The following SLC25A26 variants were observed in gnomAD, a reference collection of about 807,000 sequenced individuals.
SLC25A26 encodes solute carrier family 25 member 26.
A neutral mutation model predicts 37.8 loss-of-function variants in SLC25A26; 36 were observed. The observed-to-expected ratio is 0.95, with a 90% CI of 0.73 to 1.26. SLC25A26 has a LOEUF of 1.26. SLC25A26 is among the 50% of genes most tolerant of loss of function. The probability of loss-of-function intolerance (pLI) is 0.00; values close to 1 mark genes in which losing one functional copy is unlikely to be tolerated. For synonymous variants in SLC25A26, 129 were observed against 122.5 expected (o/e 1.05, Z -0.35); for missense variants, 390 against 331.1 (o/e 1.18, Z -1.38).
chr3:66,310,843 G>C (rs547418005), intron 5 of SLC25A26, among the ~76,000 whole-genome samples: 91 of 152,284 alleles, frequency 6.0e-4, no homozygotes, highest in African/African-American at 1.8e-3. Flanking sequence ...GGCTTGTAGC[G>C]TTTCTACAGA....
chr3:66,187,086 A>C (rs994098341), intron 1 of SLC25A26, among the ~76,000 whole-genome samples: 14 of 151,194 alleles, frequency 9.3e-5, no homozygotes, highest in African/African-American at 3.4e-4. Context: ...GCCTTGGCCA[A>C]CTCCAATCTT....
intron 1 of SLC25A26, among the ~76,000 whole-genome samples, chr3:66,150,962 G>A (rs1238817592): frequency 1.3e-5 from 2 of 151,674 alleles, no homozygotes; most frequent in East Asian, 3.9e-4. Flanking sequence ...GGACACATGG[G>A]GCAGGTGCCT....
chr3:66,283,833 T>A (rs1439484379), intron 5 of SLC25A26, among the ~76,000 whole-genome samples: 1 of 152,226 alleles, frequency 6.6e-6, no homozygotes, highest in African/African-American at 2.4e-5. Context: ...AGACTCTAAG[T>A]TTAGAATATT....
chr3:66,336,941 G>A (rs2076104044), intron 5 of SLC25A26, among the ~76,000 whole-genome samples: 1 of 152,056 alleles, frequency 6.6e-6, no homozygotes, highest in South Asian at 2.1e-4. Context: ...TTTAGGTGAG[G>A]TACAACTTGT....
chr3:66,291,794 G>A (rs1368869038), intron 5 of SLC25A26, among the ~76,000 whole-genome samples: 1 of 152,194 alleles, frequency 6.6e-6, no homozygotes, highest in Non-Finnish European at 1.5e-5. Flanking sequence ...GGGGTGGAGA[G>A]TTCTGTAGAT....
chr3:66,217,793 G>A (rs1036536199), upstream of SLC25A26, among the ~76,000 whole-genome samples: 18 of 152,172 alleles, frequency 1.2e-4, no homozygotes, highest in African/African-American at 2.9e-4. Flanking sequence ...CAGGTGATCC[G>A]TCCACCTTGG....
At chr3:66,250,515 A>T (rs1443841749) in intron 3 of SLC25A26, among the ~76,000 whole-genome samples, 1 of 152,240 alleles carries the variant, frequency 6.6e-6, no homozygotes, top group Non-Finnish European at 1.5e-5. Context: ...ATAGGTGATA[A>T]GATGCTCTCT....
chr3:66,180,813 T>A (rs150978073), intron 1 of SLC25A26, among the ~76,000 whole-genome samples: 1 of 152,312 alleles, frequency 6.6e-6, no homozygotes, highest in Non-Finnish European at 1.5e-5. Flanking sequence ...CCCCTCAGAT[T>A]CATGTGTTGA....
intron 5 of SLC25A26, among the ~76,000 whole-genome samples, chr3:66,277,353 A>G (rs1305101752): frequency 6.6e-6 from 1 of 152,150 alleles, no homozygotes; most frequent in African/African-American, 2.4e-5. Context: ...TAACAGAAAG[A>G]CAAATATTGT....
At chr3:66,334,308 T>A (rs184625420) in intron 5 of SLC25A26, among the ~76,000 whole-genome samples, 5 of 151,826 alleles carry the variant, frequency 3.3e-5, no homozygotes, top group Admixed American at 2.6e-4. Context: ...GAAGCTTTGT[T>A]TGTTTCTTTG....
At chr3:66,273,223 A>C (rs568092462) in intron 5 of SLC25A26, among the ~76,000 whole-genome samples, 1 of 152,118 alleles carries the variant, frequency 6.6e-6, no homozygotes, top group Non-Finnish European at 1.5e-5. Context: ...TTTTGCGTCA[A>C]TGTGCATCAA....
chr3:66,377,076 GA>G (rs1294041198), intron 9 of SLC25A26, among the ~76,000 whole-genome samples: 1 of 152,126 alleles, frequency 6.6e-6, no homozygotes, highest in African/African-American at 2.4e-5. Context: ...CAGTTTTAAA[GA>G]ATGAATCCCC....
intron 1 of SLC25A26, among the ~76,000 whole-genome samples, chr3:66,180,433 T>C (rs555602814): frequency 2.6e-5 from 4 of 152,162 alleles, no homozygotes; most frequent in African/African-American, 9.7e-5. Context: ...AACTCTTGAC[T>C]CCTTCAGACC....
chr3:66,250,073 C>T (rs1253331732), intron 3 of SLC25A26, among the ~76,000 whole-genome samples: 1 of 152,154 alleles, frequency 6.6e-6, no homozygotes, highest in Non-Finnish European at 1.5e-5. Context: ...TCTTAGCAAC[C>T]CTAAACCATA....
intron 9 of SLC25A26, among the ~76,000 whole-genome samples, chr3:66,374,133 CTTTCTGCT>C (rs1354431070): frequency 6.6e-6 from 1 of 152,216 alleles, no homozygotes; most frequent in African/African-American, 2.4e-5. Context: ...TTCATTAACT[CTTTCTGCT>C]TACAGAAGTA....
intron 5 of SLC25A26, among the ~76,000 whole-genome samples, chr3:66,271,972 C>A (rs950123394): frequency 6.6e-6 from 1 of 152,046 alleles, no homozygotes; most frequent in African/African-American, 2.4e-5. Flanking sequence ...CATGAATTTA[C>A]TTCTGATTTA....
chr3:66,292,493 G>A (rs941011453), intron 5 of SLC25A26, among the ~76,000 whole-genome samples: 2 of 152,150 alleles, frequency 1.3e-5, no homozygotes, highest in African/African-American at 2.4e-5. Flanking sequence ...GCCAGGCCTG[G>A]TGGTGACAAA....
intron 1 of SLC25A26, among the ~76,000 whole-genome samples, chr3:66,194,163 AG>A (rs1464812558): frequency 6.6e-6 from 1 of 152,246 alleles, no homozygotes; most frequent in African/African-American, 2.4e-5. Flanking sequence ...CAGGAATCAA[AG>A]CCTCTATGCC....
intron 7 of SLC25A26, 118 bp downstream of exon 7, chr3:66,363,047 A>AC (rs2076747773): frequency 2.1e-6 from 1 of 466,652 alleles, no homozygotes; most frequent in African/African-American, 2.0e-5. Flanking sequence ...AGAGCGCTCC[A>AC]CTAGTTGTTT....
Sources: allele counts gnomAD v4.1 joint callset (sites outside exome capture counted in the v4.1 genomes callset), GRCh38; gene constraint gnomAD v4.1.1; transcripts MANE v1.5; gene names NCBI Gene and HGNC (gene_info 2026-07-23, HGNC 2026-07-21).